Variants in NPHP4 observed in about 807,000 individuals in gnomAD.
NPHP4 encodes nephrocystin-4.
A neutral mutation model predicts 155.8 loss-of-function variants in NPHP4; 151 were observed. The ratio of observed to expected loss-of-function variants is 0.97; its 90% CI spans 0.85 to 1.11. The LOEUF is 1.11. Ranked by LOEUF, NPHP4 falls within the 50% of genes least tolerant of loss-of-function variation. NPHP4 has a pLI of 0.00. For missense variants in NPHP4, 1,956 were observed against 1,925.7 expected (o/e 1.02, Z -0.29); for synonymous variants, 845 against 816.8 (o/e 1.03, Z -0.59).
At chr1:5,975,489 C>A (rs778315488) in intron 3 of NPHP4, among the ~76,000 whole-genome samples, 1 of 152,182 alleles carries the variant, frequency 6.6e-6, no homozygotes, top group Non-Finnish European at 1.5e-5. Context: ...CCTTCTTCAG[C>A]GATTCCAAGT....
Position 5,863,142 on chromosome 1 carries a change from A to G in NPHP4, c.*123T>C, listed in dbSNP as rs1038920209. 1 of 1,029,478 alleles carries G rather than the reference A, an allele frequency of 9.7e-7. No individual in the cohort carries two copies. Among genetic ancestry groups the G allele is most frequent in the Non-Finnish European group, 1.5e-6 (1 of 659,702 alleles). 63.8% of individuals were successfully genotyped at this position (1,029,478 alleles called of 1,614,324 possible). A position where few individuals can be genotyped will look rare whatever the true frequency, so the allele number is the denominator to read the frequency against. ...TCTCTGCTTCCTCAGCCAAGTGCAC[A>G]GGTCAGCCAGGTGGGCACTGAAGTG... is the stretch of plus-strand genomic sequence containing the variant. On this transcript the variant is annotated 3_prime_UTR_variant, in exon 30 of 30. Transcript: ENST00000378156.
chr1:5,925,571 A>G (rs936800629), intron 11 of NPHP4, among the ~76,000 whole-genome samples: 1 of 152,192 alleles, frequency 6.6e-6, no homozygotes, highest in African/African-American at 2.4e-5. Context: ...TATGTCAAAG[A>G]AGGAAAGATA....
At chr1:5,884,195 G>A (rs1244339949) in intron 18 of NPHP4, among the ~76,000 whole-genome samples, 2 of 152,264 alleles carry the variant, frequency 1.3e-5, no homozygotes, top group Middle Eastern at 3.4e-3. Flanking sequence ...TGCTGCAGGG[G>A]CAGGAATTCC....
chr1:5,915,009 G>C (rs1199682199), intron 11 of NPHP4, among the ~76,000 whole-genome samples: 1 of 152,244 alleles, frequency 6.6e-6, no homozygotes, highest in Non-Finnish European at 1.5e-5. Context: ...CAGAGGGCTG[G>C]ATGAGGGGTC....
At chr1:5,978,932 C>T (rs1171251272) in intron 2 of NPHP4, among the ~76,000 whole-genome samples, 1 of 152,228 alleles carries the variant, frequency 6.6e-6, no homozygotes, top group Non-Finnish European at 1.5e-5. Flanking sequence ...AAATCCTCAA[C>T]TTCCCAGATT....
Position 5,914,286 on chromosome 1 carries a change from A to AAAAAAAAAAAAAAG in NPHP4, c.1442-5074_1442-5073insCTTTTTTTTTTTTT, listed in dbSNP as rs70977991. The stretch of plus-strand genomic sequence containing the variant: ...AAAAAAAAAAAAAAAAAAAAAAAAA[A>AAAAAAAAAAAAAAG]GGCCTGGTGTGGTGGCATGCACCTG... On this transcript the variant is annotated intron_variant, in intron 11 of 29. Coordinates refer to ENST00000378156, the MANE Select transcript of NPHP4 (RefSeq NM_015102.5). Among the ~76,000 whole-genome samples the AAAAAAAAAAAAAAG allele has an allele frequency of 1.4e-4, 20 of 139,930 alleles. 1 individual carries two copies. Among genetic ancestry groups the AAAAAAAAAAAAAAG allele is most frequent in the African/African-American group, 5.6e-4 (19 of 33,950 alleles). 91.8% of individuals were successfully genotyped at this position (139,930 alleles called of 152,430 possible). A position where few individuals can be genotyped will look rare whatever the true frequency, so the allele number is the denominator to read the frequency against.
At chr1:5,912,834 C>T (rs559919225) in intron 11 of NPHP4, among the ~76,000 whole-genome samples, 6 of 152,166 alleles carry the variant, frequency 3.9e-5, no homozygotes, top group South Asian at 2.1e-4. Flanking sequence ...GGAGCCCCTC[C>T]GTTCTCACCC....
chr1:5,961,833 G>A lies in NPHP4; in HGVS notation c.634C>T (p.Gln212Ter). ...GCTGGAAGCAGGCCAGGTATCTGCT[G>A]CAGACCAGACACCAGAAGGTTCTCA... is the stretch of plus-strand genomic sequence containing the variant. ...LPENLLVSGL[Q>*]QIPGLLPAHG... Residue 212 changes from glutamine to a stop codon, truncating the protein, a stop_gained, in exon 6 of 30, where the codon CAG (glutamine) becomes TAG (stop). Transcript: ENST00000378156. LOFTEE classifies it high-confidence loss of function. The A allele has an allele frequency of 1.2e-6, 2 of 1,613,478 alleles. No homozygotes were observed. Among genetic ancestry groups the A allele is most frequent in the Non-Finnish European group, 1.7e-6 (2 of 1,179,630 alleles).
Position 5,866,268 on chromosome 1 carries a change from A to G in NPHP4, c.3644+105T>C, listed in dbSNP as rs578096696. 582 of 796,732 alleles carry G rather than the reference A, an allele frequency of 7.3e-4. 1 individual carries two copies. Among genetic ancestry groups the G allele is most frequent in the Admixed American group, 1.0e-3 (52 of 49,936 alleles). The allele number at this position is 796,732 out of a possible 1,614,324, so 49.4% of individuals were successfully genotyped here. ...AAGCGAAGGCCCGAAAGCTCCCCCA[A>G]TTTTAGGAAGGGGCCAAGCCCACTT... On this transcript the variant is annotated intron_variant, in intron 26 of 29. Transcript: ENST00000378156.
At chr1:5,938,449 C>T (rs1376229406) in intron 9 of NPHP4, among the ~76,000 whole-genome samples, 1 of 152,186 alleles carries the variant, frequency 6.6e-6, no homozygotes, top group African/African-American at 2.4e-5. Flanking sequence ...AGCCAGATGC[C>T]ATCAACCAGA....
At chr1:5,872,325 G>A (rs906284068) in intron 23 of NPHP4, among the ~76,000 whole-genome samples, 7 of 152,216 alleles carry the variant, frequency 4.6e-5, no homozygotes, top group African/African-American at 1.7e-4. Flanking sequence ...CTTTGCTGCT[G>A]TCCCTCTGTC....
At chr1:5,961,658 C>G (rs534705775) in intron 6 of NPHP4, 136 bp downstream of exon 6, 4 of 753,208 alleles carry the variant, frequency 5.3e-6, no homozygotes, top group Non-Finnish European at 8.9e-6. Flanking sequence ...CCACAACCCC[C>G]GCCAGGCCGT....
chr1:5,929,796 A>G (rs183725727), intron 10 of NPHP4, among the ~76,000 whole-genome samples: 1 of 152,144 alleles, frequency 6.6e-6, no homozygotes, highest in African/African-American at 2.4e-5. Flanking sequence ...TCTGGTTTTG[A>G]TATCAGGGTA....
intron 16 of NPHP4, among the ~76,000 whole-genome samples, chr1:5,891,702 T>A (rs1009910520): frequency 6.6e-6 from 1 of 152,238 alleles, no homozygotes; most frequent in Non-Finnish European, 1.5e-5. Context: ...CAAAACAACA[T>A]TATTTCTCTT....
chr1:5,950,104 A>G (rs942799831), intron 7 of NPHP4, among the ~76,000 whole-genome samples: 6 of 152,174 alleles, frequency 3.9e-5, no homozygotes, highest in South Asian at 2.1e-4. Context: ...TAAAAGTCCA[A>G]TTACACTTCA....
At chr1:5,960,539 A>G (rs927362934) in intron 6 of NPHP4, among the ~76,000 whole-genome samples, 1 of 151,854 alleles carries the variant, frequency 6.6e-6, no homozygotes, top group African/African-American at 2.4e-5. Flanking sequence ...CGCCCCTCAC[A>G]CACAAGGTCA....
intron 6 of NPHP4, among the ~76,000 whole-genome samples, chr1:5,959,568 C>T (rs1649915732): frequency 1.3e-5 from 2 of 152,170 alleles, no homozygotes; most frequent in Non-Finnish European, 2.9e-5. Context: ...TGCAGTTCTA[C>T]TGACACCCAC....
chr1:5,866,966 A>C, intron 25 of NPHP4, 64 bp downstream of exon 25: 5 of 1,268,278 alleles, frequency 3.9e-6, no homozygotes, highest in Non-Finnish European at 5.7e-6. Context: ...CCCGTGGGGA[A>C]GCCGACAGGG....
chr1:5,874,888 G>A lies in NPHP4; in HGVS notation c.3030C>T (p.Asp1010=), dbSNP rs2100630935. ...NTQHTVTVEI[D]NPELSVIVDS... is the part of the protein sequence containing the mutation. ...TGAGACCTCACCTGAGCTCGGGGTT[G>A]TCGATCTCCACAGTCACCGTGTGCT... Residue 1010 remains aspartate (D), a synonymous_variant, in exon 21 of 30, where the codon GAC becomes GAT. Coordinates refer to ENST00000378156, the MANE Select transcript of NPHP4 (RefSeq NM_015102.5). 2 of 1,613,702 alleles carry A rather than the reference G, an allele frequency of 1.2e-6. No individual in the cohort carries two copies. The highest frequency in any genetic ancestry group is 1.7e-6 in the Non-Finnish European group (2 of 1,179,762).
Sources: gnomAD v4.1 joint callset for allele counts (sites outside exome capture counted in the v4.1 genomes callset) on GRCh38, gnomAD v4.1.1 for gene constraint, MANE v1.5 for transcripts, NCBI Gene and HGNC (gene_info 2026-07-23, HGNC 2026-07-21) for gene names.